Variants in TNNT3 observed in about 807,000 individuals in gnomAD.
TNNT3 encodes troponin T, fast skeletal muscle.
A neutral mutation model predicts 54.2 loss-of-function variants in TNNT3; 36 were observed. That is an observed-to-expected ratio of 0.66 (90% CI 0.51 to 0.88). TNNT3 has a LOEUF of 0.88. Among genes scored for constraint, TNNT3 ranks in the 40% least tolerant of loss-of-function variants. TNNT3 has a pLI of 0.00. For synonymous variants in TNNT3, 120 were observed against 109.7 expected (o/e 1.09, Z -0.59); for missense variants, 291 against 331.6 (o/e 0.88, Z 0.95).
At position 1,933,876 on chromosome 11, in the gene TNNT3, A is replaced by G. The variant is rs1187988322; in HGVS notation, c.288+39A>G. 3 of 1,611,306 alleles carry G rather than the reference A, an allele frequency of 1.9e-6. No homozygotes were observed. In the Admixed American group the frequency reaches 5.0e-5, roughly 27 times the overall value. On this transcript the variant is annotated intron_variant, in intron 10 of 15. Transcript: ENST00000278317. ...TTCAGGTTGCAGCAGGGGCTGGTGG[A>G]CTCCCTCGGAGGAGCCGGGGACAGG...
chr11:1,934,310 C>G, intron 11 of TNNT3, 22 bp from the exon 12 acceptor site: 1 of 1,603,792 alleles, frequency 6.2e-7, no homozygotes, highest in Non-Finnish European at 8.5e-7. Context: ...CCCTGAGCAT[C>G]TTGGGAATGG....
chr11:1,933,856 G>A lies in TNNT3; in HGVS notation c.288+19G>A. On this transcript the variant is annotated intron_variant, in intron 10 of 15. Coordinates refer to ENST00000278317, the MANE Select transcript of TNNT3 (RefSeq NM_006757.4). The stretch of plus-strand genomic sequence containing the variant: ...GAGAATCGTGAGTGGGGCAGTTCAG[G>A]TTGCAGCAGGGGCTGGTGGACTCCC... 1 of 1,612,210 alleles carries A rather than the reference G, an allele frequency of 6.2e-7. No homozygotes were observed. The highest frequency in any genetic ancestry group is 8.5e-7 in the Non-Finnish European group (1 of 1,179,432).
intron 15 of TNNT3, among the ~76,000 whole-genome samples, chr11:1,937,371 C>T (rs912456553): frequency 6.6e-6 from 1 of 152,132 alleles, no homozygotes; most frequent in African/African-American, 2.4e-5. Context: ...CAGGGTATCC[C>T]GCCAGTGTCC....
rs1047399825 is a variant in TNNT3, at chr11:1,926,598, G to A, written c.68-97G>A. Reference sequence around the variant, plus strand: ...CACAGCCTGGCCTGCTCGCTCCGCCGCCTCGGCCCTGCCCGCCCTCCTCTC... The same window carrying A: ...CACAGCCTGGCCTGCTCGCTCCGCCACCTCGGCCCTGCCCGCCCTCCTCTC... On this transcript the variant is annotated intron_variant, in intron 5 of 15. Coordinates refer to ENST00000278317, the MANE Select transcript of TNNT3 (RefSeq NM_006757.4). 60 of 1,608,478 alleles carry A rather than the reference G, an allele frequency of 3.7e-5. No individual in the cohort carries two copies. In the African/African-American group the frequency reaches 3.9e-4, roughly 10 times the overall value.
chr11:1,934,814 C>T lies in TNNT3; in HGVS notation c.591-15C>T. 6.2e-7 allele frequency: 1 copy of T among 1,612,742 alleles called. No individual in the cohort carries two copies. Among genetic ancestry groups the T allele is most frequent in the Non-Finnish European group, 8.5e-7 (1 of 1,179,548 alleles). Reference sequence around the variant, plus strand: ...GGGCTTATTCAACGAAGCCTCACCACTTCCTCTGCCCCAGGGACAAGGCCA... The same window carrying T: ...GGGCTTATTCAACGAAGCCTCACCATTTCCTCTGCCCCAGGGACAAGGCCA... On this transcript the variant is annotated splice_polypyrimidine_tract_variant and intron_variant, in intron 13 of 15. Transcript: ENST00000278317.
intron 9 of TNNT3, 147 bp from the exon 10 acceptor site, chr11:1,933,574 C>T (rs925012590): frequency 3.0e-5 from 21 of 711,648 alleles, no homozygotes; most frequent in Middle Eastern, 6.8e-4. Flanking sequence ...GCAAAACATT[C>T]CTTGCCACTT....
At chr11:1,933,011 C>G (rs1853868265) in intron 9 of TNNT3, among the ~76,000 whole-genome samples, 1 of 151,628 alleles carries the variant, frequency 6.6e-6, no homozygotes, top group African/African-American at 2.4e-5. Context: ...CGCTCACCCA[C>G]CCATCCACCC....
intron 8 of TNNT3, among the ~76,000 whole-genome samples, chr11:1,930,609 G>A (rs1017462684): frequency 2.6e-5 from 4 of 152,200 alleles, no homozygotes; most frequent in African/African-American, 9.7e-5. Flanking sequence ...TATCTCTCGA[G>A]TGCTCTTGCC....
chr11:1,933,679 G>A lies in TNNT3; in HGVS notation c.172-42G>A, dbSNP rs1397832466. 5 of 1,520,930 alleles carry A rather than the reference G, an allele frequency of 3.3e-6. No individual in the cohort carries two copies. In the East Asian group the frequency reaches 6.8e-5, roughly 21 times the overall value. 94.2% of individuals were successfully genotyped at this position (1,520,930 alleles called of 1,614,324 possible). On this transcript the variant is annotated intron_variant, in intron 9 of 15. Transcript: ENST00000278317. ...AGGCAGGCCAGGCAGGGCAGAGGTT[G>A]GAGAGAGGGGTGGGGCTCACACCCA...
intron 6 of TNNT3, 152 bp downstream of exon 6, chr11:1,926,861 G>C (rs990127166): frequency 7.0e-6 from 7 of 1,001,300 alleles, no homozygotes; most frequent in Non-Finnish European, 4.6e-6. Flanking sequence ...GAGGACCCTG[G>C]CTTGGGAAGG....
rs771913652 is a variant in TNNT3, at chr11:1,934,685, C to T, written c.590+30C>T. The T allele has an allele frequency of 2.5e-6, 4 of 1,607,286 alleles. No individual in the cohort carries two copies. The Admixed American group carries it at 6.7e-5, about 27-fold the overall frequency. ...GGGGTGGGTGTTGTGGGGCTCAGCC[C>T]CACGGGGTGGCCCCTGCAGGAGCTG... On this transcript the variant is annotated intron_variant, in intron 13 of 15. Transcript: ENST00000278317.
intron 8 of TNNT3, among the ~76,000 whole-genome samples, chr11:1,931,922 T>C (rs928841864): frequency 5.9e-5 from 9 of 152,160 alleles, no homozygotes; most frequent in Admixed American, 5.2e-4. Flanking sequence ...GCATCTGGAA[T>C]GTATTGGTGA....
Position 1,926,788 on chromosome 11 carries a change from A to G in TNNT3, c.82+79A>G, listed in dbSNP as rs370893455. 2.7e-5 allele frequency: 43 copies of G among 1,579,488 alleles called. No individual in the cohort carries two copies. In the African/African-American group the frequency reaches 5.8e-4, roughly 21 times the overall value. On this transcript the variant is annotated intron_variant, in intron 6 of 15. Coordinates refer to ENST00000278317, the MANE Select transcript of TNNT3 (RefSeq NM_006757.4). ...CTCTCTTGCTTCCTCCCTCTTGCCC[A>G]CCCCTTGTGACGTTTGCCACCAACA...
intron 14 of TNNT3, 50 bp from the exon 15 acceptor site, chr11:1,936,913 G>A (rs1007958687): frequency 5.1e-6 from 8 of 1,570,552 alleles, no homozygotes; most frequent in South Asian, 2.3e-5. Context: ...CCCAGTACAC[G>A]CAGGCCTGGC....
intron 5 of TNNT3, chr11:1,926,342 G>A (rs1589915099): frequency 1.3e-5 from 15 of 1,159,512 alleles, no homozygotes; most frequent in Admixed American, 1.2e-4. Flanking sequence ...TGTCTTGCTC[G>A]CTCCCCGCAC....
chr11:1,928,228 C>A (rs1354177407), intron 6 of TNNT3, among the ~76,000 whole-genome samples: 1 of 152,336 alleles, frequency 6.6e-6, no homozygotes, highest in Admixed American at 6.5e-5. Context: ...AGAGCAGGGA[C>A]TGAAGGGACA....
intron 14 of TNNT3, chr11:1,936,355 C>T (rs1011387551): frequency 2.9e-5 from 39 of 1,349,298 alleles, no homozygotes; most frequent in South Asian, 1.9e-4. Flanking sequence ...AGGATGCTGG[C>T]GGCAGGGGGC....
At chr11:1,936,822 G>A in intron 14 of TNNT3, 141 bp from the exon 15 acceptor site, 1 of 820,906 alleles carries the variant, frequency 1.2e-6, no homozygotes, top group Non-Finnish European at 2.0e-6. Flanking sequence ...GAGACAGTAA[G>A]GGAGCCGAGG....
Position 1,936,951 on chromosome 11 carries a change from T to C in TNNT3, c.682-12T>C, listed in dbSNP as rs767668593. 33 of 1,604,576 alleles carry C rather than the reference T, an allele frequency of 2.1e-5. No homozygotes were observed. The highest frequency in any genetic ancestry group is 2.4e-5 in the Non-Finnish European group (28 of 1,177,050). On this transcript the variant is annotated splice_polypyrimidine_tract_variant and intron_variant, in intron 14 of 15. Transcript: ENST00000278317. ...TCGGGTCGTCGCAGTGAGTCACTCA[T>C]GTTGTTCACAGATCACCACGCTCAG...
Sources: allele counts gnomAD v4.1 joint callset (sites outside exome capture counted in the v4.1 genomes callset), GRCh38; gene constraint gnomAD v4.1.1; transcripts MANE v1.5; gene names NCBI Gene and HGNC (gene_info 2026-07-23, HGNC 2026-07-21).